FARP2: variants seen among roughly 807,000 people sequenced by gnomAD.
FARP2 encodes the protein FERM, ARHGEF and pleckstrin domain-containing protein 2.
In FARP2, 111 loss-of-function variants were observed where a neutral mutation model predicts 130.5. The ratio of observed to expected loss-of-function variants is 0.85; its 90% CI spans 0.73 to 1.00. The LOEUF is 1.00. FARP2 is among the 50% of genes least tolerant of loss of function. The pLI is 0.00. For missense variants in FARP2, 1,385 were observed against 1,346.3 expected, an observed-to-expected ratio of 1.03 and a Z score of -0.45; for synonymous variants, 504 against 516.9, an observed-to-expected ratio of 0.98 and a Z score of 0.34.
chr2:241,399,377 C>CT (rs1461417581), intron 2 of FARP2, among the ~76,000 whole-genome samples: 1 of 152,206 alleles, frequency 6.6e-6, no homozygotes, highest in Non-Finnish European at 1.5e-5. Flanking sequence ...ATGATCCCAG[C>CT]TTACTGCAAC....
intron 8 of FARP2, among the ~76,000 whole-genome samples, chr2:241,428,262 T>C (rs1416444339): frequency 1.4e-4 from 19 of 131,386 alleles, no homozygotes; most frequent in African/African-American, 5.4e-4. Flanking sequence ...TGAGACGGAG[T>C]CTCCCTTTGT....
Position 241,468,159 on chromosome 2 carries a change from A to G in FARP2, c.1913A>G (p.Gln638Arg), listed in dbSNP as rs894472363. ...CCACAGGAGTTTACCAGCTACTTCC[A>G]AAGACATGACGAGGTCCTAACAGAA... is the stretch of plus-strand genomic sequence containing the variant. ...RQLKEFTSYF[Q>R]RHDEVLTELE... The change falls in exon 18 of 27, where the codon CAA becomes CGA. Residue 638 changes from glutamine (Q) to arginine (R), a missense_variant. Gln to Arg is a conservative substitution (Grantham distance 43, BLOSUM62 1). Transcript: ENST00000264042. 1 of 1,613,562 alleles carries G rather than the reference A, an allele frequency of 6.2e-7. No individual in the cohort carries two copies.
intron 12 of FARP2, among the ~76,000 whole-genome samples, chr2:241,440,272 T>C (rs1192914621): frequency 2.0e-5 from 3 of 152,196 alleles, no homozygotes; most frequent in South Asian, 4.1e-4. Flanking sequence ...CTCTTAACGA[T>C]GTGGCGTGTG....
chr2:241,366,575 G>T (rs1016031024), intron 1 of FARP2, among the ~76,000 whole-genome samples: 1 of 152,098 alleles, frequency 6.6e-6, no homozygotes, highest in Non-Finnish European at 1.5e-5. Context: ...TTGTCTGAAA[G>T]TGATCTTCCT....
chr2:241,456,582 G>A, intron 13 of FARP2, 165 bp from the exon 14 acceptor site: 1 of 666,588 alleles, frequency 1.5e-6, no homozygotes, highest in Non-Finnish European at 2.7e-6. Context: ...TTTATGTCAT[G>A]TTTAGAATTG....
chr2:241,431,057 A>C (rs1178442857), intron 8 of FARP2, among the ~76,000 whole-genome samples: 2 of 152,102 alleles, frequency 1.3e-5, no homozygotes, highest in African/African-American at 4.8e-5. Context: ...CATTTCCTAT[A>C]AATATTTGAA....
At chr2:241,387,559 T>C (rs1353934005) in intron 2 of FARP2, among the ~76,000 whole-genome samples, 3 of 152,046 alleles carry the variant, frequency 2.0e-5, no homozygotes, top group Non-Finnish European at 4.4e-5. Flanking sequence ...TTTGGGAGGC[T>C]GAGGTGGGCT....
intron 14 of FARP2, among the ~76,000 whole-genome samples, chr2:241,457,814 C>T (rs2063900716): frequency 6.6e-6 from 1 of 152,012 alleles, no homozygotes; most frequent in Admixed American, 6.5e-5. Flanking sequence ...TCTGGAGAGG[C>T]TCTTGGGCGG....
chr2:241,494,026 G>T lies in FARP2; in HGVS notation c.3066G>T (p.Gln1022His). The change falls in exon 27 of 27, where the codon CAG becomes CAT. Residue 1022 changes from glutamine to histidine, a missense_variant. Gln to His is a conservative substitution (Grantham distance 24, BLOSUM62 0). Coordinates refer to ENST00000264042, the MANE Select transcript of FARP2 (RefSeq NM_014808.4). The surrounding 1 kb of genome is among the most constrained non-coding windows in gnomAD (Gnocchi z 4.9). ...CCTCCAGGTGGATGGAGGTGATCCA[G>T]GGGGCCAGCAGCTCAGCCGGGAGGG... ...YTFERWMEVI[Q>H]GASSSAGRAP... The T allele has an allele frequency of 7.2e-7, 1 of 1,396,006 alleles. No individual in the cohort carries two copies. The highest frequency in any genetic ancestry group is 9.3e-7 in the Non-Finnish European group (1 of 1,072,382). The allele number at this position is 1,396,006 out of a possible 1,614,324, so 86.5% of individuals were successfully genotyped here. A position where few individuals can be genotyped will look rare whatever the true frequency, so the allele number is the denominator to read the frequency against.
intron 18 of FARP2, among the ~76,000 whole-genome samples, chr2:241,474,166 C>T (rs1414041238): frequency 6.6e-6 from 1 of 151,434 alleles, no homozygotes; most frequent in Non-Finnish European, 1.5e-5. Flanking sequence ...ATTAGCCGGG[C>T]GTGGTGGCGG....
chr2:241,451,818 G>T (rs560647689), intron 13 of FARP2, among the ~76,000 whole-genome samples: 1 of 151,836 alleles, frequency 6.6e-6, no homozygotes, highest in East Asian at 1.9e-4. Context: ...GCAGTGGTAC[G>T]ATCTTGGCTC....
At chr2:241,416,005 G>C (rs879409471) in intron 7 of FARP2, among the ~76,000 whole-genome samples, 1,738 of 99,882 alleles carry the variant, frequency 0.017, 11 homozygotes, top group African/African-American at 0.024. Context: ...GTGTGTGTGT[G>C]TGTGTGTGTG....
At chr2:241,434,489 G>A (rs980774185) in intron 10 of FARP2, among the ~76,000 whole-genome samples, 168 bp downstream of exon 10, 5 of 152,140 alleles carry the variant, frequency 3.3e-5, no homozygotes, top group South Asian at 2.1e-4. Flanking sequence ...ATAAAATAAC[G>A]GAAAAAATAC....
chr2:241,479,163 A>G (rs1207205646), intron 19 of FARP2, among the ~76,000 whole-genome samples: 2 of 152,212 alleles, frequency 1.3e-5, no homozygotes, highest in Non-Finnish European at 2.9e-5. Context: ...AGACAGGTCC[A>G]GCTGTCCAAG....
At chr2:241,360,995 T>G (rs1446776406) in intron 1 of FARP2, among the ~76,000 whole-genome samples, 1 of 149,528 alleles carries the variant, frequency 6.7e-6, no homozygotes, top group Non-Finnish European at 1.5e-5. Context: ...GGTGTTCAGG[T>G]AAATCCTGTT....
intron 1 of FARP2, among the ~76,000 whole-genome samples, chr2:241,369,662 A>T (rs1219380209): frequency 6.6e-6 from 1 of 151,344 alleles, no homozygotes; most frequent in Admixed American, 6.6e-5. Flanking sequence ...CAGTAGAATA[A>T]ATAAGAGAAA....
intron 13 of FARP2, among the ~76,000 whole-genome samples, chr2:241,453,154 A>G (rs1171261008): frequency 6.7e-6 from 1 of 148,318 alleles, no homozygotes; most frequent in African/African-American, 2.5e-5. Flanking sequence ...ACATGGTGAA[A>G]CCCTGTCTGT....
At chr2:241,420,446 AG>A (rs2150376855) in intron 8 of FARP2, among the ~76,000 whole-genome samples, 1 of 152,308 alleles carries the variant, frequency 6.6e-6, no homozygotes, top group East Asian at 1.9e-4. Flanking sequence ...CAGTGCTGAG[AG>A]GGAGACTTGC....
intron 1 of FARP2, among the ~76,000 whole-genome samples, chr2:241,368,260 T>C (rs149849834): frequency 3.8e-4 from 58 of 152,204 alleles, no homozygotes; most frequent in African/African-American, 1.3e-3. Flanking sequence ...TTCATTCACG[T>C]TGAAAGAAGA....
Sources: gnomAD v4.1 joint callset for allele counts (sites outside exome capture counted in the v4.1 genomes callset) on GRCh38, gnomAD v4.1.1 for gene constraint, Gnocchi (gnomAD v3.1) non-coding constraint, MANE v1.5 for transcripts, NCBI Gene and HGNC (gene_info 2026-07-23, HGNC 2026-07-21) for gene names.